The following LYPLAL1 variants were observed in gnomAD, a reference collection of about 807,000 sequenced individuals.
LYPLAL1 encodes lysophospholipase like 1.
A neutral mutation model predicts 19.7 loss-of-function variants in LYPLAL1; 23 were observed. The observed-to-expected ratio is 1.17, with a 90% CI of 0.84 to 1.65. The LOEUF is 1.65. Among genes scored for constraint, LYPLAL1 ranks in the 40% most tolerant of loss-of-function variants. The pLI is 0.00. For synonymous variants in LYPLAL1, 119 were observed against 96.3 expected (o/e 1.24, Z -1.38); for missense variants, 355 against 279.4 (o/e 1.27, Z -1.93).
At chr1:219,272,701 G>C in the LYPLAL1 span, 1 of 151,884 alleles carries the variant, frequency 6.6e-6, no homozygotes, top group South Asian at 2.1e-4. Context: ...CTCGGAACTC[G>C]GGAGGCAGAG....
the LYPLAL1 span, among the ~76,000 whole-genome samples, chr1:219,378,825 A>G: frequency 6.6e-6 from 1 of 152,132 alleles, no homozygotes; most frequent in Non-Finnish European, 1.5e-5. Context: ...AAGATAGACA[A>G]TAGACAATAT....
chr1:219,301,753 CTATTTT>C, the LYPLAL1 span, among the ~76,000 whole-genome samples: 2 of 139,692 alleles, frequency 1.4e-5, no homozygotes, highest in Admixed American at 1.5e-4. Context: ...CTATACTCTC[CTATTTT>C]TAACTAACAG....
At chr1:219,296,177 A>G in the LYPLAL1 span, among the ~76,000 whole-genome samples, 1 of 152,210 alleles carries the variant, frequency 6.6e-6, no homozygotes, top group Non-Finnish European at 1.5e-5. Flanking sequence ...AAATGAATCA[A>G]TCATAAAGAA....
the LYPLAL1 span, among the ~76,000 whole-genome samples, chr1:219,409,221 G>A: frequency 9.2e-5 from 14 of 152,254 alleles, no homozygotes; most frequent in South Asian, 1.0e-3. Context: ...GGTGGAGATG[G>A]GCAGATCGCT....
the LYPLAL1 span, among the ~76,000 whole-genome samples, chr1:219,430,865 T>G: frequency 3.3e-5 from 5 of 152,164 alleles, no homozygotes; most frequent in African/African-American, 9.7e-5. Context: ...TTGGTAGAGA[T>G]GGGGTCTCAC....
At chr1:219,344,409 G>C in the LYPLAL1 span, among the ~76,000 whole-genome samples, 1 of 152,068 alleles carries the variant, frequency 6.6e-6, no homozygotes, top group East Asian at 1.9e-4. Context: ...TGTACTTACT[G>C]TTTGTCCTCC....
the LYPLAL1 span, among the ~76,000 whole-genome samples, chr1:219,382,134 T>A: frequency 3.9e-5 from 6 of 152,194 alleles, no homozygotes; most frequent in Non-Finnish European, 8.8e-5. Context: ...GCAGTCTGAG[T>A]ATATGAAGTC....
rs1471477760 is a variant in LYPLAL1, at chr1:219,212,823, T to TGAG, written c.*1097_*1099dup. On this transcript the variant is annotated 3_prime_UTR_variant, in exon 5 of 5. Transcript: ENST00000366928. ...ACTGATATATAAGTTGCTTCCAGTGTGAGGCTGTTTTAAATAAAGCTGCTA... is the reference window on the plus strand; with the variant it reads ...ACTGATATATAAGTTGCTTCCAGTGTGAGGAGGCTGTTTTAAATAAAGCTGCTA... 6.6e-6 allele frequency: 1 copy of TGAG among 152,064 alleles called. No homozygotes were observed. Among genetic ancestry groups the TGAG allele is most frequent in the Non-Finnish European group, 1.5e-5 (1 of 67,942 alleles). The allele number at this position is 152,064 out of a possible 1,614,324, so 9.4% of individuals were successfully genotyped here.
chr1:219,413,641 T>C, the LYPLAL1 span, among the ~76,000 whole-genome samples: 1 of 152,250 alleles, frequency 6.6e-6, no homozygotes, highest in Non-Finnish European at 1.5e-5. Context: ...TGTTGTCATT[T>C]GAAGGGCTCT....
the LYPLAL1 span, among the ~76,000 whole-genome samples, chr1:219,260,630 T>G: frequency 1.3e-5 from 2 of 148,528 alleles, no homozygotes; most frequent in African/African-American, 4.9e-5. Flanking sequence ...ATATTAAATT[T>G]TATATGTATA....
chr1:219,225,617 C>T, the LYPLAL1 span: 1 of 152,188 alleles, frequency 6.6e-6, no homozygotes, highest in Non-Finnish European at 1.5e-5. Flanking sequence ...ATCTCCCAGC[C>T]TCTGGTTTCT....
the LYPLAL1 span, among the ~76,000 whole-genome samples, chr1:219,344,434 T>C: frequency 2.0e-5 from 3 of 152,190 alleles, no homozygotes; most frequent in African/African-American, 7.2e-5. Flanking sequence ...ATTCTCTAAC[T>C]GGGAGTCTTC....
chr1:219,414,301 G>A, the LYPLAL1 span, among the ~76,000 whole-genome samples: 164 of 152,194 alleles, frequency 1.1e-3, 1 homozygote, highest in African/African-American at 3.9e-3. Flanking sequence ...ACCAGTTCCC[G>A]TTACTTGCAC....
the LYPLAL1 span, among the ~76,000 whole-genome samples, chr1:219,293,418 T>C: frequency 6.8e-3 from 1,032 of 152,344 alleles, 6 homozygotes; most frequent in Middle Eastern, 0.031. Context: ...TTTGTATCCC[T>C]GGCTTAGAGT....
chr1:219,432,926 G>A, the LYPLAL1 span, among the ~76,000 whole-genome samples: 1 of 152,102 alleles, frequency 6.6e-6, no homozygotes, highest in Non-Finnish European at 1.5e-5. Flanking sequence ...TCCATGAAAT[G>A]GTGGCAAGGA....
At chr1:219,381,077 C>T in the LYPLAL1 span, among the ~76,000 whole-genome samples, 7 of 152,276 alleles carry the variant, frequency 4.6e-5, 1 homozygote, top group South Asian at 1.5e-3. Flanking sequence ...ACCCAAATCT[C>T]ATCTTGAATT....
chr1:219,383,261 C>G, the LYPLAL1 span, among the ~76,000 whole-genome samples: 1 of 152,200 alleles, frequency 6.6e-6, no homozygotes, highest in Non-Finnish European at 1.5e-5. Flanking sequence ...AAACTCAAGT[C>G]AGTCCCTTTG....
intron 1 of LYPLAL1, 26 bp downstream of exon 1, chr1:219,174,007 T>G: frequency 6.2e-7 from 1 of 1,613,804 alleles, no homozygotes; most frequent in Non-Finnish European, 8.5e-7. Context: ...ACGTCCTGGT[T>G]TTCTACAGCT....
the LYPLAL1 span, among the ~76,000 whole-genome samples, chr1:219,379,309 C>T: frequency 2.0e-5 from 3 of 152,102 alleles, no homozygotes; most frequent in African/African-American, 4.8e-5. Flanking sequence ...TCCTTGGGGT[C>T]GAGGAGGGAA....
Sources: gnomAD v4.1 joint callset for allele counts (sites outside exome capture counted in the v4.1 genomes callset) on GRCh38, gnomAD v4.1.1 for gene constraint, MANE v1.5 for transcripts, NCBI Gene and HGNC (gene_info 2026-07-23, HGNC 2026-07-21) for gene names.